Variants in COG5 observed in about 807,000 individuals in gnomAD.
The protein encoded by COG5 is component of oligomeric golgi complex 5, also known as conserved oligomeric Golgi complex subunit 5.
Under a neutral mutation model 110.4 loss-of-function variants are expected in COG5, and 86 were observed. That is an observed-to-expected ratio of 0.78 (90% CI 0.65 to 0.93). The LOEUF (loss-of-function observed/expected upper bound fraction) is 0.93. Among genes scored for constraint, COG5 ranks in the 40% least tolerant of loss-of-function variants. The pLI is 0.00. For missense variants in COG5, 1,077 were observed against 987.0 expected (o/e 1.09, Z -1.22); for synonymous variants, 360 against 334.6 (o/e 1.08, Z -0.83).
In COG5 at chr7:107,412,628, ATAAT is replaced by A; in HGVS notation, c.539_542del (p.Asp180ValfsTer6). 6.5e-7 allele frequency: 1 copy of A among 1,529,044 alleles called. No homozygotes were observed. The highest frequency in any genetic ancestry group is 9.0e-7 in the Non-Finnish European group (1 of 1,105,618). 94.7% of individuals were successfully genotyped at this position (1,529,044 alleles called of 1,614,324 possible). ...CAGAAAGATCTATTCCTTGAGAAAG[ATAAT>A]CTGTTTAAAACAAAAACATACACAT... On this transcript the variant is annotated frameshift_variant and splice_region_variant, in exon 7 of 22. Transcript: ENST00000297135. LOFTEE classifies it high-confidence loss of function.
chr7:107,363,781 C>T (rs1255646018), intron 8 of COG5, among the ~76,000 whole-genome samples: 1 of 151,902 alleles, frequency 6.6e-6, no homozygotes, highest in Non-Finnish European at 1.5e-5. Flanking sequence ...CATGGAGAAA[C>T]CCCATCTCTG....
At chr7:107,495,907 C>T (rs957268089) in intron 6 of COG5, among the ~76,000 whole-genome samples, 1 of 135,902 alleles carries the variant, frequency 7.4e-6, no homozygotes, top group African/African-American at 2.6e-5. Context: ...TGGCCAAATA[C>T]TTTATTTCAT....
chr7:107,436,170 T>C (rs539521408), intron 6 of COG5, among the ~76,000 whole-genome samples: 11 of 152,178 alleles, frequency 7.2e-5, no homozygotes, highest in South Asian at 6.2e-4. Context: ...TGAAGACAGG[T>C]TGGTTATTCA....
At chr7:107,317,014 T>A (rs542861677) in intron 11 of COG5, among the ~76,000 whole-genome samples, 1 of 152,270 alleles carries the variant, frequency 6.6e-6, no homozygotes, top group African/African-American at 2.4e-5. Flanking sequence ...AAGTTTCTCA[T>A]TGAAATTTTA....
chr7:107,359,837 G>T (rs894929081), intron 10 of COG5, among the ~76,000 whole-genome samples: 3 of 151,990 alleles, frequency 2.0e-5, no homozygotes, highest in Admixed American at 6.6e-5. Flanking sequence ...CAGATGTCAG[G>T]ATGACCAGCT....
chr7:107,507,410 C>A (rs928008896), intron 6 of COG5, among the ~76,000 whole-genome samples: 2 of 150,700 alleles, frequency 1.3e-5, no homozygotes, highest in African/African-American at 4.9e-5. Context: ...TCTCCTGCCT[C>A]AGCCTCCCGA....
Position 107,283,617 on chromosome 7 carries a change from G to GA in COG5, c.1428dup (p.Pro477SerfsTer5). 1 of 1,613,962 alleles carries GA rather than the reference G, an allele frequency of 6.2e-7. No homozygotes were observed. On this transcript the variant is annotated frameshift_variant, in exon 13 of 22. Transcript: ENST00000297135. LOFTEE classifies it high-confidence loss of function. ...CCATCAAGTTCATCAGAGGAAGGAG[G>GA]ATTACGACCACCCGGGGGAAAAACC...
intron 6 of COG5, among the ~76,000 whole-genome samples, chr7:107,452,597 GCAC>G (rs1795405936): frequency 6.6e-6 from 1 of 152,110 alleles, no homozygotes; most frequent in South Asian, 2.1e-4. Flanking sequence ...CCTTGCACAA[GCAC>G]TCTCTTTGGC....
Position 107,283,662 on chromosome 7 carries a change from G to C in COG5, c.1384C>G (p.Leu462Val). 6.2e-7 allele frequency: 1 copy of C among 1,613,734 alleles called. No homozygotes were observed. The highest frequency in any genetic ancestry group is 1.7e-4 in the Middle Eastern group (1 of 6,060). ...AAYLSKSLSR[L>V]FDPINLVFPP... is the part of the protein sequence containing the mutation. ...AAAACCAAGTTGATAGGATCGAAGAGTCGAGATAAGGATTTTGATAGATAA... is the reference window on the plus strand; with the variant it reads ...AAAACCAAGTTGATAGGATCGAAGACTCGAGATAAGGATTTTGATAGATAA... Residue 462 changes from leucine (L) to valine (V), a missense_variant, in exon 13 of 22, where the codon CTC becomes GTC. Physicochemically the swap from Leu to Val is conservative, Grantham distance 32. Transcript: ENST00000297135.
Position 107,258,490 on chromosome 7 carries a change from C to T in COG5, c.1576-107G>A, listed in dbSNP as rs534291008. ...CACACACACACACACATTCTTTAAC[C>T]GGGGAGAAGTTCATGCCCCTCTGAC... is the stretch of plus-strand genomic sequence containing the variant. On this transcript the variant is annotated intron_variant, in intron 14 of 21. Coordinates refer to ENST00000297135, the MANE Select transcript of COG5 (RefSeq NM_006348.5). The T allele has an allele frequency of 1.4e-4, 107 of 759,612 alleles. 1 individual carries two copies. Among genetic ancestry groups the T allele is most frequent in the Admixed American group, 5.6e-4 (31 of 55,226 alleles). The allele number at this position is 759,612 out of a possible 1,614,324, so 47.1% of individuals were successfully genotyped here.
At position 107,324,460 on chromosome 7, in the gene COG5, T is replaced by C; in HGVS notation, c.1088A>G (p.Gln363Arg). 1 of 1,601,418 alleles carries C rather than the reference T, an allele frequency of 6.2e-7. No individual in the cohort carries two copies. Among genetic ancestry groups the C allele is most frequent in the Non-Finnish European group, 8.5e-7 (1 of 1,171,464 alleles). ...CTTACAGTTTGTTGCCATATGAAAT[T>C]GAGAAGAAAGTGCCTGAGTAACTGA... ...WNSVTQALSS[Q>R]FHMATNSSMF... Residue 363 changes from glutamine (Q) to arginine (R), a missense_variant, in exon 11 of 22, where the codon CAA becomes CGA. Physicochemically the swap from Gln to Arg is conservative, Grantham distance 43. Coordinates refer to ENST00000297135, the MANE Select transcript of COG5 (RefSeq NM_006348.5).
At chr7:107,424,943 G>A (rs1356479769) in intron 6 of COG5, among the ~76,000 whole-genome samples, 1 of 152,092 alleles carries the variant, frequency 6.6e-6, no homozygotes, top group African/African-American at 2.4e-5. Flanking sequence ...ATTAATAGGT[G>A]TTATAACTTA....
At chr7:107,420,384 G>A (rs1179542304) in intron 6 of COG5, among the ~76,000 whole-genome samples, 2 of 152,150 alleles carry the variant, frequency 1.3e-5, no homozygotes, top group Admixed American at 1.3e-4. Flanking sequence ...ATCGGGATAG[G>A]GAGAAGAAGC....
At chr7:107,414,436 T>C (rs1027235027) in intron 6 of COG5, among the ~76,000 whole-genome samples, 3 of 152,140 alleles carry the variant, frequency 2.0e-5, no homozygotes, top group African/African-American at 7.2e-5. Flanking sequence ...GGAAAAGAAA[T>C]GATATTAATC....
intron 6 of COG5, among the ~76,000 whole-genome samples, chr7:107,424,697 TATTA>T (rs1299415353): frequency 3.3e-5 from 5 of 152,186 alleles, no homozygotes; most frequent in Non-Finnish European, 5.9e-5. Context: ...CGGAAACAGA[TATTA>T]ATTCTACATT....
chr7:107,535,302 CAAGA>C (rs1238773287), intron 5 of COG5, among the ~76,000 whole-genome samples: 1 of 151,348 alleles, frequency 6.6e-6, no homozygotes, highest in African/African-American at 2.5e-5. Flanking sequence ...TAGCAGAAGA[CAAGA>C]AATAACTAAG....
At chr7:107,550,051 C>A (rs1415856717) in intron 3 of COG5, among the ~76,000 whole-genome samples, 1 of 152,036 alleles carries the variant, frequency 6.6e-6, no homozygotes, top group Non-Finnish European at 1.5e-5. Flanking sequence ...ATGTAAGATA[C>A]CCAAGACAGT....
chr7:107,308,047 C>A (rs1168110607), intron 11 of COG5, among the ~76,000 whole-genome samples: 4 of 152,066 alleles, frequency 2.6e-5, no homozygotes, highest in Non-Finnish European at 5.9e-5. Flanking sequence ...ATAAATAGTT[C>A]ACCTATTATA....
intron 1 of COG5, among the ~76,000 whole-genome samples, chr7:107,560,166 T>G (rs1170051288): frequency 6.6e-6 from 1 of 152,202 alleles, no homozygotes; most frequent in African/African-American, 2.4e-5. Flanking sequence ...CACACAGATA[T>G]CTTAAAATCT....
Sources: gnomAD v4.1 joint callset for allele counts (sites outside exome capture counted in the v4.1 genomes callset) on GRCh38, gnomAD v4.1.1 for gene constraint, MANE v1.5 for transcripts, NCBI Gene and HGNC (gene_info 2026-07-23, HGNC 2026-07-21) for gene names.